Variants in NID2 observed in about 807,000 individuals in gnomAD.
NID2 encodes nidogen-2.
NID2 carries 83 observed loss-of-function variants against 145.4 expected under a neutral mutation model. The observed-to-expected ratio is 0.57, with a 90% CI of 0.48 to 0.69. The LOEUF is 0.69. Ranked by LOEUF, NID2 falls within the 30% of genes least tolerant of loss-of-function variation. The pLI, the probability that NID2 is intolerant of heterozygous loss-of-function variation, is 0.00. For missense variants in NID2, 1,807 were observed against 1,765.7 expected, an observed-to-expected ratio of 1.02 and a Z score of -0.42; for synonymous variants, 739 against 701.3, an observed-to-expected ratio of 1.05 and a Z score of -0.85.
At chr14:52,044,979 C>T (rs528915228) in intron 5 of NID2, among the ~76,000 whole-genome samples, 2 of 152,048 alleles carry the variant, frequency 1.3e-5, no homozygotes, top group African/African-American at 2.4e-5. Flanking sequence ...GACTAAAGCA[C>T]CTGAAGTCGC....
intron 2 of NID2, among the ~76,000 whole-genome samples, chr14:52,066,375 G>T (rs1442408327): frequency 6.6e-6 from 1 of 151,708 alleles, no homozygotes; most frequent in African/African-American, 2.4e-5. Flanking sequence ...TAGCACAACA[G>T]GGTGACTATA....
At chr14:52,030,567 AGG>A (rs1891798528) in intron 9 of NID2, among the ~76,000 whole-genome samples, 1 of 99,322 alleles carries the variant, frequency 1.0e-5, no homozygotes, top group Non-Finnish European at 2.0e-5. Context: ...AAAGAAAGAA[AGG>A]AAGGAAGGGA....
chr14:52,032,065 C>T (rs959172488), intron 9 of NID2, among the ~76,000 whole-genome samples: 1 of 152,248 alleles, frequency 6.6e-6, no homozygotes, highest in Non-Finnish European at 1.5e-5. Flanking sequence ...GCCTGCCCTA[C>T]TGCCCACGTT....
At position 52,027,314 on chromosome 14, in the gene NID2, T is replaced by C; in HGVS notation, c.2561A>G (p.Asp854Gly). Reference sequence around the variant, plus strand: ...AGCAGGAGCACAGGTATGACTGCCATCCTCACAGGGGTTGGCAGGTGGGGT... The same window carrying C: ...AGCAGGAGCACAGGTATGACTGCCACCCTCACAGGGGTTGGCAGGTGGGGT... The part of the protein sequence containing the change: ...LITPPANPCE[D>G]GSHTCAPAGQ... The change falls in exon 12 of 22, where the codon GAT (aspartate) becomes GGT (glycine). Residue 854 changes from aspartate (D) to glycine (G), a missense_variant. Asp to Gly is a moderately conservative substitution (Grantham distance 94). Coordinates refer to ENST00000216286, the MANE Select transcript of NID2 (RefSeq NM_007361.4). The C allele has an allele frequency of 6.3e-7, 1 of 1,589,522 alleles. No individual in the cohort carries two copies. The highest frequency in any genetic ancestry group is 8.6e-7 in the Non-Finnish European group (1 of 1,169,222).
rs754763574 is a variant in NID2 at position 52,027,233 on chromosome 14, G to A, written c.2642C>T (p.Pro881Leu). 1 of 1,569,084 alleles carries A rather than the reference G, an allele frequency of 6.4e-7. No homozygotes were observed. Among genetic ancestry groups the A allele is most frequent in the East Asian group, 2.4e-5 (1 of 40,920 alleles). Residue 881 changes from proline to leucine, a missense_variant, in exon 12 of 22, where the codon CCT becomes CTT. Transcript: ENST00000216286. ...CTGGTGCCCATCGCCGGCATAACCA[G>A]GCAGGCAGGCACAGCTGAACGTGCT... The part of the protein sequence containing the change: ...GGSTFSCACL[P>L]GYAGDGHQCT...
In NID2 at chr14:52,042,292, G is replaced by A. The variant is rs368768720; in HGVS notation, c.1638C>T (p.Pro546=). 152 of 1,613,974 alleles carry A rather than the reference G, an allele frequency of 9.4e-5. No homozygotes were observed. Among genetic ancestry groups the A allele is most frequent in the Non-Finnish European group, 1.2e-4 (142 of 1,179,970 alleles). ...VSGHLHVGHT[P]VHFTDVDLHA... ...GCAGGTCCACATCAGTGAAGTGCAC[G>A]GGTGTATGGCCCACGTGGAGGTGGC... The change falls in exon 7 of 22, where the codon CCC becomes CCT. Residue 546 remains proline, a synonymous_variant. Coordinates refer to ENST00000216286, the MANE Select transcript of NID2 (RefSeq NM_007361.4).
rs73284353 is a variant in NID2, at chr14:52,008,376, A to T, written c.3723-409T>A. Reference sequence around the variant, plus strand: ...CTTCCCCGAGCTGAGCCTTGTGATCACTGCAGTTTGGCCATTACCTGATTG... The same window carrying T: ...CTTCCCCGAGCTGAGCCTTGTGATCTCTGCAGTTTGGCCATTACCTGATTG... On this transcript the variant is annotated intron_variant, in intron 18 of 21. Coordinates refer to ENST00000216286, the MANE Select transcript of NID2 (RefSeq NM_007361.4). 5.9e-3 allele frequency: 928 copies of T among 156,428 alleles called. 7 individuals are homozygous for T. Among genetic ancestry groups the T allele is most frequent in the African/African-American group, 0.021 (891 of 41,624 alleles). The allele number at this position is 156,428 out of a possible 1,614,324, so 9.7% of individuals were successfully genotyped here. A position where few individuals can be genotyped will look rare whatever the true frequency, so the allele number is the denominator to read the frequency against.
intron 9 of NID2, among the ~76,000 whole-genome samples, chr14:52,033,875 G>A (rs768541104): frequency 5.9e-5 from 9 of 152,194 alleles, no homozygotes; most frequent in Non-Finnish European, 1.3e-4. Flanking sequence ...GCAGAGCCAT[G>A]AGGGGTAAGG....
At chr14:52,033,307 G>T (rs997669501) in intron 9 of NID2, among the ~76,000 whole-genome samples, 2 of 152,086 alleles carry the variant, frequency 1.3e-5, no homozygotes, top group Non-Finnish European at 2.9e-5. Flanking sequence ...ACAGCCCTCT[G>T]CCCAGAGCCT....
chr14:52,050,055 G>A (rs1892636881), intron 5 of NID2, among the ~76,000 whole-genome samples: 1 of 152,194 alleles, frequency 6.6e-6, no homozygotes, highest in African/African-American at 2.4e-5. Context: ...CAAAAGTGGA[G>A]TGGGACTACA....
intron 9 of NID2, among the ~76,000 whole-genome samples, chr14:52,032,299 C>T (rs1024756561): frequency 2.0e-5 from 3 of 152,234 alleles, no homozygotes; most frequent in Non-Finnish European, 2.9e-5. Context: ...GCTGGAGTAA[C>T]AGAATCTTTG....
At chr14:52,008,016 G>GTAGGCAGCATC in intron 18 of NID2, 49 bp from the exon 19 acceptor site, 1 of 1,502,722 alleles carries the variant, frequency 6.7e-7, no homozygotes, top group Non-Finnish European at 9.1e-7. Flanking sequence ...GTAGCCTGTG[G>GTAGGCAGCATC]TAGGCAGCAT....
Position 52,020,103 on chromosome 14 carries a change from C to CG in NID2, c.2749dup (p.Arg917ProfsTer16), listed in dbSNP as rs763284378. ...ATCCCCATAATATCCGGGTTGACAA[C>CG]GGCAGGAGAAGGAACCAGGAGTATT... On this transcript the variant is annotated frameshift_variant, in exon 13 of 22. Coordinates refer to ENST00000216286, the MANE Select transcript of NID2 (RefSeq NM_007361.4). LOFTEE classifies it high-confidence loss of function. 2 of 1,614,054 alleles carry CG rather than the reference C, an allele frequency of 1.2e-6. No homozygotes were observed.
chr14:52,019,086 G>A lies in NID2; in HGVS notation c.3003C>T (p.Thr1001=). The A allele has an allele frequency of 6.2e-7, 1 of 1,614,044 alleles. No individual in the cohort carries two copies. The highest frequency in any genetic ancestry group is 1.1e-5 in the South Asian group (1 of 91,066). The change falls in exon 14 of 22, where the codon ACC becomes ACT. Residue 1001 remains threonine, a synonymous_variant. Coordinates refer to ENST00000216286, the MANE Select transcript of NID2 (RefSeq NM_007361.4). ...CTGGTGATGGTCCACAGTGAGGCGG[G>A]GTGGAGCCAGGTGGAGTCTGGGTAC... The part of the protein sequence containing the change: ...VPGTQTPPGS[T]PPHCGPSPEP...
Position 52,028,964 on chromosome 14 carries a change from G to T in NID2, c.2402-114C>A, listed in dbSNP as rs1311770020. 110 of 1,001,052 alleles carry T rather than the reference G, an allele frequency of 1.1e-4. No individual in the cohort carries two copies. In the East Asian group the frequency reaches 3.0e-3, roughly 27 times the overall value. 62.0% of individuals were successfully genotyped at this position (1,001,052 alleles called of 1,614,324 possible). ...TGATGCTTCAATGGGACAAATGGTT[G>T]GCAGATGTAGAATTTTTAAAAATCA... On this transcript the variant is annotated intron_variant, in intron 10 of 21. Transcript: ENST00000216286.
At chr14:52,006,190 T>G in intron 20 of NID2, 1 of 397,924 alleles carries the variant, frequency 2.5e-6, no homozygotes, top group Non-Finnish European at 4.7e-6. Context: ...AAAAGCCAAC[T>G]TAAGCCCTGT....
chr14:52,045,340 G>A (rs1892449589), intron 5 of NID2, among the ~76,000 whole-genome samples: 1 of 152,188 alleles, frequency 6.6e-6, no homozygotes, highest in Non-Finnish European at 1.5e-5. Flanking sequence ...CAAGCTGAGG[G>A]TTGGCAGGAC....
intron 18 of NID2, chr14:52,009,794 G>A (rs1285456473): frequency 6.6e-6 from 1 of 152,264 alleles, no homozygotes; most frequent in East Asian, 1.9e-4. Flanking sequence ...TCAGGAGTTG[G>A]AGACCAAAAT....
At chr14:52,025,207 C>T (rs534627136) in intron 12 of NID2, among the ~76,000 whole-genome samples, 24 of 152,330 alleles carry the variant, frequency 1.6e-4, no homozygotes, top group Non-Finnish European at 3.1e-4. Flanking sequence ...GGCTTTGGCA[C>T]CTCACCCTGA....
Sources: allele counts gnomAD v4.1 joint callset (sites outside exome capture counted in the v4.1 genomes callset), GRCh38; gene constraint gnomAD v4.1.1; transcripts MANE v1.5; gene names NCBI Gene and HGNC (gene_info 2026-07-23, HGNC 2026-07-21).